Variants in MSH4 observed in about 807,000 individuals in gnomAD.
MSH4 encodes mutS protein homolog 4.
Under a neutral mutation model 113.7 loss-of-function variants are expected in MSH4, and 106 were observed. That is an observed-to-expected ratio of 0.93 (90% CI 0.80 to 1.10). The LOEUF (loss-of-function observed/expected upper bound fraction) is 1.10. Among genes scored for constraint, MSH4 ranks in the 50% least tolerant of loss-of-function variants. The pLI, the probability that MSH4 is intolerant of heterozygous loss-of-function variation, is 0.00. For missense variants in MSH4, 1,061 were observed against 1,093.7 expected, an observed-to-expected ratio of 0.97 and a Z score of 0.42; for synonymous variants, 368 against 380.2, an observed-to-expected ratio of 0.97 and a Z score of 0.37.
At chr1:75,905,523 A>C (rs1652605631) in intron 19 of MSH4, among the ~76,000 whole-genome samples, 1 of 152,276 alleles carries the variant, frequency 6.6e-6, no homozygotes, top group African/African-American at 2.4e-5. Context: ...TGTATTCTGC[A>C]GCAGTTGGAT....
At position 75,878,570 on chromosome 1, in the gene MSH4, A is replaced by G. The variant is rs540485369; in HGVS notation, c.1540+252A>G. ...TATAATCCCAGCACTTTGGGAGGCC[A>G]AGGAGGGCTGATAGCTTGAGTCCAG... On this transcript the variant is annotated intron_variant, in intron 11 of 19. Coordinates refer to ENST00000263187, the MANE Select transcript of MSH4 (RefSeq NM_002440.4). 5.9e-5 allele frequency among the ~76,000 whole-genome samples: 9 copies of G among 152,254 alleles called. 1 individual carries two copies. In the South Asian group the frequency reaches 1.9e-3, roughly 32 times the overall value.
intron 6 of MSH4, among the ~76,000 whole-genome samples, chr1:75,819,354 T>C (rs1650358558): frequency 6.6e-6 from 1 of 152,044 alleles, no homozygotes; most frequent in African/African-American, 2.4e-5. Flanking sequence ...TTAGCCAGCA[T>C]AGTGGCACAC....
At chr1:75,804,033 ATACAT>A in intron 2 of MSH4, 120 bp downstream of exon 2, 1 of 615,584 alleles carries the variant, frequency 1.6e-6, no homozygotes, top group East Asian at 3.4e-5. Context: ...TGAAAAATAA[ATACAT>A]TAGTTTACCT....
chr1:75,853,599 T>C (rs768553261), intron 8 of MSH4, among the ~76,000 whole-genome samples: 2 of 152,164 alleles, frequency 1.3e-5, no homozygotes, highest in Non-Finnish European at 2.9e-5. Context: ...TGTAAATATT[T>C]TGCTCTTCTT....
intron 1 of MSH4, among the ~76,000 whole-genome samples, chr1:75,798,623 C>G (rs1019307950): frequency 6.7e-6 from 1 of 149,374 alleles, no homozygotes; most frequent in African/African-American, 2.5e-5. Context: ...GTGGCATGGT[C>G]ATGACTCACT....
chr1:75,831,157 G>C (rs1210217094), intron 7 of MSH4, among the ~76,000 whole-genome samples: 1 of 152,098 alleles, frequency 6.6e-6, no homozygotes, highest in Non-Finnish European at 1.5e-5. Context: ...TGATAAAACA[G>C]ATTTTAAACC....
intron 19 of MSH4, among the ~76,000 whole-genome samples, chr1:75,906,576 A>C (rs1199592288): frequency 1.2e-5 from 1 of 82,784 alleles, no homozygotes; most frequent in African/African-American, 5.2e-5. Flanking sequence ...TATAAATTTA[A>C]ATATATATAT....
chr1:75,837,879 C>T (rs1650866959), intron 7 of MSH4, among the ~76,000 whole-genome samples: 2 of 152,276 alleles, frequency 1.3e-5, no homozygotes, highest in East Asian at 1.9e-4. Flanking sequence ...ATGGCTGCCA[C>T]TCCAGCCCAG....
intron 14 of MSH4, among the ~76,000 whole-genome samples, chr1:75,882,488 A>G (rs1651955380): frequency 1.3e-5 from 2 of 151,890 alleles, no homozygotes; most frequent in Non-Finnish European, 2.9e-5. Flanking sequence ...ATAGATTAGC[A>G]GATTATTTGT....
chr1:75,809,287 C>T (rs992673364), intron 3 of MSH4, among the ~76,000 whole-genome samples: 1 of 152,034 alleles, frequency 6.6e-6, no homozygotes, highest in Non-Finnish European at 1.5e-5. Flanking sequence ...TAATTCTCTT[C>T]CTTTAGTCCC....
At chr1:75,797,654 C>T (rs1385797920) in intron 1 of MSH4, among the ~76,000 whole-genome samples, 1 of 152,064 alleles carries the variant, frequency 6.6e-6, no homozygotes, top group Non-Finnish European at 1.5e-5. Context: ...AAAGAGTGGG[C>T]TGGGCGGTGG....
chr1:75,805,755 A>G (rs547714220), intron 2 of MSH4, among the ~76,000 whole-genome samples: 1 of 152,266 alleles, frequency 6.6e-6, no homozygotes, highest in South Asian at 2.1e-4. Context: ...CTAATTTTTA[A>G]TTCCATCAAT....
At chr1:75,804,376 C>T (rs550146599) in intron 2 of MSH4, among the ~76,000 whole-genome samples, 2 of 151,798 alleles carry the variant, frequency 1.3e-5, no homozygotes, top group African/African-American at 4.8e-5. Context: ...TATGTAAATG[C>T]ATATATTTAT....
intron 19 of MSH4, among the ~76,000 whole-genome samples, chr1:75,907,758 T>C (rs1214858264): frequency 9.3e-6 from 1 of 107,634 alleles, no homozygotes; most frequent in Non-Finnish European, 1.9e-5. Context: ...CCTTTCATTC[T>C]GTTTTTTTTT....
intron 16 of MSH4, 30 bp from the exon 17 acceptor site, chr1:75,890,666 A>G (rs1186668294): frequency 2.4e-6 from 3 of 1,236,922 alleles, no homozygotes; most frequent in African/African-American, 3.1e-5. Context: ...TTTGGTTACA[A>G]TGAATAAATA....
chr1:75,907,689 C>CACATATATATATAT (rs1652694037), intron 19 of MSH4, among the ~76,000 whole-genome samples: 1 of 78,622 alleles, frequency 1.3e-5, no homozygotes, highest in South Asian at 4.4e-4. Flanking sequence ...TCTCTCTATA[C>CACATATATATATAT]ATATATATAT....
chr1:75,860,445 T>C (rs1651429992), intron 8 of MSH4, among the ~76,000 whole-genome samples: 1 of 152,210 alleles, frequency 6.6e-6, no homozygotes, highest in South Asian at 2.1e-4. Flanking sequence ...GGAGCTCTTG[T>C]AAGGCAGGCC....
At chr1:75,885,055 G>GTATATATATATATATATATA (rs1469516814) in intron 15 of MSH4, among the ~76,000 whole-genome samples, 4 of 102,260 alleles carry the variant, frequency 3.9e-5, no homozygotes, top group African/African-American at 1.6e-4. Flanking sequence ...GTGTGTGTGT[G>GTATATATATATATATATATA]TGTGTATATA....
At chr1:75,877,053 T>G in intron 10 of MSH4, 53 bp downstream of exon 10, 1 of 1,206,578 alleles carries the variant, frequency 8.3e-7, no homozygotes, top group Non-Finnish European at 1.2e-6. Context: ...TTCTTCCTGA[T>G]CATAACTGAT....
Sources: gnomAD v4.1 joint callset for allele counts (sites outside exome capture counted in the v4.1 genomes callset) on GRCh38, gnomAD v4.1.1 for gene constraint, MANE v1.5 for transcripts, NCBI Gene and HGNC (gene_info 2026-07-23, HGNC 2026-07-21) for gene names.